The following CA12 variants were observed in gnomAD, a reference collection of about 807,000 sequenced individuals.
CA12 encodes carbonic anhydrase 12, also known as carbonate dehydratase XII.
CA12 carries 36 observed loss-of-function variants against 46.8 expected under a neutral mutation model. The observed-to-expected ratio is 0.77, with a 90% CI of 0.59 to 1.02. The LOEUF (loss-of-function observed/expected upper bound fraction) is 1.02, where lower values mean the gene tolerates loss of function less well. CA12 is among the 50% of genes least tolerant of loss of function. CA12 has a pLI of 0.00. For synonymous variants in CA12, 202 were observed against 187.0 expected (o/e 1.08, Z -0.65); for missense variants, 436 against 451.4 (o/e 0.97, Z 0.31).
At chr15:63,366,366 G>T (rs2039435330) in intron 2 of CA12, among the ~76,000 whole-genome samples, 2 of 152,076 alleles carry the variant, frequency 1.3e-5, no homozygotes, top group Non-Finnish European at 2.9e-5. Context: ...TTGCTCTTAT[G>T]TGTCCTTCAG....
chr15:63,377,632 T>A (rs923829825), intron 1 of CA12, among the ~76,000 whole-genome samples: 7 of 152,252 alleles, frequency 4.6e-5, no homozygotes, highest in Non-Finnish European at 1.0e-4. Context: ...GAAAGTCAGA[T>A]GGTTCTACAA....
rs2038824437 is a variant in CA12 at position 63,323,619 on chromosome 15, G to C, written c.*2666C>G. 6.6e-6 allele frequency: 1 copy of C among 152,520 alleles called. No individual in the cohort carries two copies. 9.4% of individuals were successfully genotyped at this position (152,520 alleles called of 1,614,324 possible). On this transcript the variant is annotated 3_prime_UTR_variant, in exon 11 of 11. Coordinates refer to ENST00000178638, the MANE Select transcript of CA12 (RefSeq NM_001218.5). This position sits in a 1 kb window ranked among gnomAD's most constrained non-coding sequence, Gnocchi z 5.1. ...ACAATAAATACAGAAGTGCTAAACA[G>C]ACCATTATCACAGTGGCCTGTGGGC...
In CA12 at chr15:63,327,145, T is replaced by C. The variant is rs1361112878; in HGVS notation, c.992+4A>G. The C allele has an allele frequency of 6.2e-7, 1 of 1,613,556 alleles. No homozygotes were observed. Among genetic ancestry groups the C allele is most frequent in the Non-Finnish European group, 8.5e-7 (1 of 1,179,562 alleles). The stretch of plus-strand genomic sequence containing the variant: ...ATTCCCATTTTGGACCCAAACCAGC[T>C]CACCTCTTCCTTCTGAAAAGCCAAA... On this transcript the variant is annotated splice_donor_region_variant and intron_variant, in intron 10 of 10. Transcript: ENST00000178638. The surrounding 1 kb of genome is among the most constrained non-coding windows in gnomAD (Gnocchi z 4.5).
At position 63,355,391 on chromosome 15, in the gene CA12, G is replaced by A. The variant is rs1052917019; in HGVS notation, c.107-8682C>T. ...CCAGTAGTCCAGTGGTTCTCAAAGC[G>A]TGGCTCCAGACAAGCATTATCATCA... On this transcript the variant is annotated intron_variant, in intron 2 of 10. Transcript: ENST00000178638. The surrounding 1 kb of genome is among the most constrained non-coding windows in gnomAD (Gnocchi z 4.1). Among the ~76,000 whole-genome samples the A allele has an allele frequency of 3.3e-4, 50 of 152,154 alleles. 1 individual carries two copies. The highest frequency in any genetic ancestry group is 7.3e-5 in the Non-Finnish European group (5 of 68,028).
rs2039180981 is a variant in CA12 at position 63,348,337 on chromosome 15, G to C, written c.107-1628C>G. On this transcript the variant is annotated intron_variant, in intron 2 of 10. Coordinates refer to ENST00000178638, the MANE Select transcript of CA12 (RefSeq NM_001218.5). The surrounding 1 kb of genome is among the most constrained non-coding windows in gnomAD (Gnocchi z 4.6). The stretch of plus-strand genomic sequence containing the variant: ...CTCAACTACACCAAGATGGTGACTA[G>C]GGAAGAGGGAGGCTGGAGGATATCA... Among the ~76,000 whole-genome samples the C allele has an allele frequency of 6.6e-6, 1 of 152,184 alleles. No individual in the cohort carries two copies. The highest frequency in any genetic ancestry group is 1.5e-5 in the Non-Finnish European group (1 of 68,030).
intron 2 of CA12, among the ~76,000 whole-genome samples, chr15:63,369,119 A>G (rs2039470172): frequency 6.6e-6 from 1 of 152,256 alleles, no homozygotes; most frequent in Non-Finnish European, 1.5e-5. Flanking sequence ...CTGGCCTGTG[A>G]GGCCCTTGGG....
intron 2 of CA12, among the ~76,000 whole-genome samples, chr15:63,353,788 C>G (rs1158124647): frequency 1.3e-5 from 2 of 152,144 alleles, no homozygotes; most frequent in Non-Finnish European, 2.9e-5. Flanking sequence ...CTGAAATGAT[C>G]CTCCTGCCTC....
Position 63,348,821 on chromosome 15 carries a change from C to T in CA12, c.107-2112G>A, listed in dbSNP as rs948028523. On this transcript the variant is annotated intron_variant, in intron 2 of 10. Transcript: ENST00000178638. This position sits in a 1 kb window ranked among gnomAD's most constrained non-coding sequence, Gnocchi z 4.6. ...TGAACCCATATTATAAGTAGGGTCA[C>T]GTGCCCCCATGGGCATTTAGGAAAC... is the stretch of plus-strand genomic sequence containing the variant. Among the ~76,000 whole-genome samples the T allele has an allele frequency of 1.3e-5, 2 of 152,276 alleles. No individual in the cohort carries two copies. The highest frequency in any genetic ancestry group is 2.1e-4 in the South Asian group (1 of 4,822).
Position 63,326,018 on chromosome 15 carries a change from C to T in CA12, c.*267G>A, listed in dbSNP as rs977902439. 6.1e-6 allele frequency: 3 copies of T among 489,630 alleles called. No homozygotes were observed. The highest frequency in any genetic ancestry group is 1.9e-5 in the African/African-American group (1 of 51,418). 30.3% of individuals were successfully genotyped at this position (489,630 alleles called of 1,614,324 possible). A position where few individuals can be genotyped will look rare whatever the true frequency, so the allele number is the denominator to read the frequency against. ...TTGGTTTGTGATTCCAGAATTCAGA[C>T]CACTTCACAATCTCACACAGTTACA... On this transcript the variant is annotated 3_prime_UTR_variant, in exon 11 of 11. Coordinates refer to ENST00000178638, the MANE Select transcript of CA12 (RefSeq NM_001218.5).
intron 1 of CA12, among the ~76,000 whole-genome samples, chr15:63,380,893 T>G (rs2039635808): frequency 6.6e-6 from 1 of 152,230 alleles, no homozygotes; most frequent in Non-Finnish European, 1.5e-5. Flanking sequence ...TGGCCCGGCG[T>G]GAGCCCACAG....
intron 2 of CA12, among the ~76,000 whole-genome samples, chr15:63,359,415 C>G (rs916434141): frequency 2.6e-5 from 4 of 152,062 alleles, no homozygotes; most frequent in African/African-American, 9.7e-5. Context: ...TCACTTCCAG[C>G]CATCACCTAG....
In CA12 at chr15:63,342,067, A is replaced by T; in HGVS notation, c.460T>A (p.Tyr154Asn). Residue 154 changes from tyrosine to asparagine, a missense_variant, in exon 5 of 11, where the codon TAT (tyrosine) becomes AAT (asparagine). Coordinates refer to ENST00000178638, the MANE Select transcript of CA12 (RefSeq NM_001218.5). ...LHIVHYNSDL[Y>N]PDASTASNKS... ...TTGCTGGCAGTGCTGGCGTCAGGAT[A>T]AAGGTCTGAGTTATAATGGACAATG... The T allele has an allele frequency of 6.2e-7, 1 of 1,613,986 alleles. No homozygotes were observed. The highest frequency in any genetic ancestry group is 8.5e-7 in the Non-Finnish European group (1 of 1,179,878).
intron 1 of CA12, among the ~76,000 whole-genome samples, chr15:63,379,552 T>C (rs746907279): frequency 1.3e-5 from 2 of 152,184 alleles, no homozygotes; most frequent in African/African-American, 4.8e-5. Context: ...TGGAGGGGAA[T>C]AGTTTCCTTC....
intron 2 of CA12, among the ~76,000 whole-genome samples, chr15:63,369,297 G>A (rs902087601): frequency 6.6e-6 from 1 of 152,188 alleles, no homozygotes; most frequent in Non-Finnish European, 1.5e-5. Context: ...GCTCTCATGC[G>A]TTTGGTGCTG....
At chr15:63,349,904 T>A (rs1277012171) in intron 2 of CA12, among the ~76,000 whole-genome samples, 1 of 152,182 alleles carries the variant, frequency 6.6e-6, no homozygotes, top group African/African-American at 2.4e-5. Flanking sequence ...CCAGGGAACG[T>A]GCACCCACCT....
At chr15:63,368,127 C>G (rs2039458349) in intron 2 of CA12, among the ~76,000 whole-genome samples, 1 of 152,228 alleles carries the variant, frequency 6.6e-6, no homozygotes, top group South Asian at 2.1e-4. Flanking sequence ...TGGTGCTTCT[C>G]TGTATTCGTG....
At chr15:63,370,836 G>A (rs538802164) in intron 2 of CA12, among the ~76,000 whole-genome samples, 1 of 152,248 alleles carries the variant, frequency 6.6e-6, no homozygotes, top group South Asian at 2.1e-4. Context: ...TCTCCTGAGA[G>A]TACTTTGTGC....
Position 63,340,843 on chromosome 15 carries a change from G to A in CA12, c.526-60C>T, listed in dbSNP as rs2039069645. The A allele has an allele frequency of 1.4e-6, 2 of 1,472,218 alleles. No homozygotes were observed. The highest frequency in any genetic ancestry group is 1.9e-6 in the Non-Finnish European group (2 of 1,051,650). 91.2% of individuals were successfully genotyped at this position (1,472,218 alleles called of 1,614,324 possible). On this transcript the variant is annotated intron_variant, in intron 5 of 10. Transcript: ENST00000178638. The surrounding 1 kb of genome is among the most constrained non-coding windows in gnomAD (Gnocchi z 4.4). The stretch of plus-strand genomic sequence containing the variant: ...GAACAGGATAGGCTGAGCCAGGATT[G>A]ACGATTGCTATCAGAAGGGCAAAGC...
intron 2 of CA12, among the ~76,000 whole-genome samples, chr15:63,365,194 G>C (rs1443345714): frequency 6.6e-6 from 1 of 152,266 alleles, no homozygotes; most frequent in Non-Finnish European, 1.5e-5. Flanking sequence ...TAGGTATTAA[G>C]TCTATTGTGT....
Sources: gnomAD v4.1 joint callset for allele counts (sites outside exome capture counted in the v4.1 genomes callset) on GRCh38, gnomAD v4.1.1 for gene constraint, Gnocchi (gnomAD v3.1) non-coding constraint, MANE v1.5 for transcripts, NCBI Gene and HGNC (gene_info 2026-07-23, HGNC 2026-07-21) for gene names.